MYO15B: variants seen among roughly 807,000 people sequenced by gnomAD.
MYO15B encodes the protein myosin XVB pseudogene.
MYO15B carries 207 observed loss-of-function variants against 119.3 expected under a neutral mutation model. That is an observed-to-expected ratio of 1.73 (90% confidence interval 1.55 to 1.95). The LOEUF (loss-of-function observed/expected upper bound fraction) is 1.95, where lower values mean the gene tolerates loss of function less well. Ranked by LOEUF, MYO15B falls within the 30% of genes most tolerant of loss-of-function variation. The probability of loss-of-function intolerance (pLI) is 0.00; values close to 1 mark genes in which losing one functional copy is unlikely to be tolerated. For missense variants in MYO15B, 2,264 were observed against 1,203.1 expected (o/e 1.88, Z -13.04); for synonymous variants, 966 against 498.9 (o/e 1.94, Z -12.48).
Position 75,619,106 on chromosome 17 carries a change from T to A in MYO15B, c.6988-37T>A, listed in dbSNP as rs1244056756. The A allele has an allele frequency of 1.7e-5, 12 of 702,582 alleles. No homozygotes were observed. The Admixed American group carries it at 2.4e-4, about 14-fold the overall frequency. The allele number at this position is 702,582 out of a possible 1,614,324, so 43.5% of individuals were successfully genotyped here. Reference sequence around the variant, plus strand: ...GGCTGCTCTGGGGGTGGGCTCTGTCTCAGGACCTGGTGGTGACCACCTCGC... The same window carrying A: ...GGCTGCTCTGGGGGTGGGCTCTGTCACAGGACCTGGTGGTGACCACCTCGC... On this transcript the variant is annotated intron_variant, in intron 43 of 63. Coordinates refer to ENST00000645453, the Ensembl canonical transcript of MYO15B.
At chr17:75,588,661 C>A (rs1249822964) in exon 1 of MYO15B, 1 of 400,724 alleles carries the variant, frequency 2.5e-6, no homozygotes, top group Non-Finnish European at 4.4e-6. Context: ...GGAGTCAGCG[C>A]TGGAGCCAAG....
chr17:75,620,956 G>A, intron 49 of MYO15B, 75 bp from the exon 50 acceptor site: 1 of 702,778 alleles, frequency 1.4e-6, no homozygotes, highest in Non-Finnish European at 2.6e-6. Flanking sequence ...TGGCTGGGGA[G>A]GGATGGGGCT....
At chr17:75,593,757 TA>T (rs1322173033) in intron 9 of MYO15B, among the ~76,000 whole-genome samples, 2 of 150,962 alleles carry the variant, frequency 1.3e-5, no homozygotes, top group Non-Finnish European at 2.9e-5. Flanking sequence ...CCGTCTCTAC[TA>T]AAAATACAAA....
chr17:75,624,095 G>A (rs2058871488), intron 55 of MYO15B, 31 bp downstream of exon 55: 1 of 702,908 alleles, frequency 1.4e-6, no homozygotes, highest in Non-Finnish European at 2.6e-6. Flanking sequence ...TGGAGGAGAG[G>A]CAGGGGTTTC....
chr17:75,619,271 T>A, intron 44 of MYO15B, 53 bp downstream of exon 44: 1 of 702,690 alleles, frequency 1.4e-6, no homozygotes, highest in Non-Finnish European at 2.6e-6. Context: ...GGGCCGCGCC[T>A]GCCCTGAAGG....
chr17:75,623,837 C>A (rs922693094), exon 54 of MYO15B: 2 of 698,208 alleles, frequency 2.9e-6, no homozygotes, highest in East Asian at 5.4e-5. Flanking sequence ...TCAAGCAGGT[C>A]ACGGGACACC....
At chr17:75,615,534 C>T (rs1455194435) in exon 35 of MYO15B, 1 of 700,718 alleles carries the variant, frequency 1.4e-6, no homozygotes, top group African/African-American at 1.7e-5. Flanking sequence ...CACCGCTTCC[C>T]AGCCTGGATG....
rs1390481704 is a variant in MYO15B, at chr17:75,625,620, G to A, written c.8898G>A (p.Leu2966=). 4.3e-6 allele frequency: 3 copies of A among 702,934 alleles called. No individual in the cohort carries two copies. In the East Asian group the frequency reaches 8.0e-5, roughly 19 times the overall value. The allele number at this position is 702,934 out of a possible 1,614,324, so 43.5% of individuals were successfully genotyped here. ...TGATGGGTCAGGAGCTGAGACGGCT[G>A]GAAGGACACAGCCCCCAGGAAGCAC... Residue 2966 remains leucine (L), a synonymous_variant, in exon 61 of 64, where the codon CTG becomes CTA. Transcript: ENST00000645453.
At chr17:75,614,440 TA>T in intron 30 of MYO15B, 80 bp downstream of exon 30, 3 of 675,826 alleles carry the variant, frequency 4.4e-6, no homozygotes, top group Admixed American at 2.0e-5. Flanking sequence ...CTCAGGGGTT[TA>T]TAGGAGCTGC....
intron 14 of MYO15B, among the ~76,000 whole-genome samples, chr17:75,597,846 G>A (rs1568132724): frequency 6.6e-6 from 1 of 152,274 alleles, no homozygotes; most frequent in African/African-American, 2.4e-5. Flanking sequence ...AGCCCAGGAC[G>A]TCAAGGATGC....
At chr17:75,623,591 C>T (rs1479368086) in intron 53 of MYO15B, among the ~76,000 whole-genome samples, 190 bp from the exon 54 acceptor site, 1 of 152,216 alleles carries the variant, frequency 6.6e-6, no homozygotes, top group Admixed American at 6.5e-5. Context: ...CATTGCATTC[C>T]AGCCTGTGTG....
chr17:75,597,408 C>T (rs755185126), intron 14 of MYO15B, among the ~76,000 whole-genome samples: 1 of 152,240 alleles, frequency 6.6e-6, no homozygotes, highest in Non-Finnish European at 1.5e-5. Context: ...GCAGTCACAG[C>T]GTCTATTCAT....
At chr17:75,598,016 G>C (rs1201578311) in intron 14 of MYO15B, among the ~76,000 whole-genome samples, 1 of 152,118 alleles carries the variant, frequency 6.6e-6, no homozygotes, top group Non-Finnish European at 1.5e-5. Flanking sequence ...GGGAGAGTTG[G>C]GGGGCGTCAT....
chr17:75,621,406 A>G, exon 51 of MYO15B: 1 of 700,310 alleles, frequency 1.4e-6, no homozygotes. Flanking sequence ...GCAGTACACC[A>G]AGGTGGGAGA....
Position 75,619,347 on chromosome 17 carries a change from C to T in MYO15B, c.7064-11C>T. ...TGAGCAGAGGGCAGCCTGGGTCCTT[C>T]CTGCCCACAGGAGGCTTGGAGGTGG... is the stretch of plus-strand genomic sequence containing the variant. On this transcript the variant is annotated splice_polypyrimidine_tract_variant and intron_variant, in intron 44 of 63. Transcript: ENST00000645453. The T allele has an allele frequency of 1.4e-6, 1 of 702,684 alleles. No individual in the cohort carries two copies. Among genetic ancestry groups the T allele is most frequent in the Non-Finnish European group, 2.6e-6 (1 of 384,934 alleles). 43.5% of individuals were successfully genotyped at this position (702,684 alleles called of 1,614,324 possible). A position where few individuals can be genotyped will look rare whatever the true frequency, so the allele number is the denominator to read the frequency against.
chr17:75,625,228 A>ACC lies in MYO15B; in HGVS notation c.8798_8799dup (p.Ser2934ProfsTer7). 1 of 700,748 alleles carries ACC rather than the reference A, an allele frequency of 1.4e-6. No homozygotes were observed. The highest frequency in any genetic ancestry group is 2.6e-6 in the Non-Finnish European group (1 of 383,698). The allele number at this position is 700,748 out of a possible 1,614,324, so 43.4% of individuals were successfully genotyped here. A position where few individuals can be genotyped will look rare whatever the true frequency, so the allele number is the denominator to read the frequency against. Reference sequence around the variant, plus strand: ...GCACCTCAGCAAGGCCAACAGGAATACCCCCTCAGGGTGAGTGGAGGCACC... The same window carrying ACC: ...GCACCTCAGCAAGGCCAACAGGAATACCCCCCCTCAGGGTGAGTGGAGGCACC... On this transcript the variant is annotated frameshift_variant, in exon 60 of 64. Transcript: ENST00000645453. LOFTEE classifies it high-confidence loss of function.
Position 75,592,548 on chromosome 17 carries a change from G to C in MYO15B, c.2829+7G>C, listed in dbSNP as rs951941758. 3.4e-5 allele frequency: 21 copies of C among 610,934 alleles called. No individual in the cohort carries two copies. Among genetic ancestry groups the C allele is most frequent in the Non-Finnish European group, 5.3e-5 (18 of 340,746 alleles). 37.8% of individuals were successfully genotyped at this position (610,934 alleles called of 1,614,324 possible). A position where few individuals can be genotyped will look rare whatever the true frequency, so the allele number is the denominator to read the frequency against. On this transcript the variant is annotated splice_region_variant and intron_variant, in intron 8 of 63. Coordinates refer to ENST00000645453, the Ensembl canonical transcript of MYO15B. Reference sequence around the variant, plus strand: ...TTACTACTACCTCAACCAGGTCGGGGGAGCCCTTGTGGTGCGGCGGGGAGG... The same window carrying C: ...TTACTACTACCTCAACCAGGTCGGGCGAGCCCTTGTGGTGCGGCGGGGAGG...
exon 31 of MYO15B, chr17:75,614,625 A>G (rs1439339036): frequency 2.9e-6 from 2 of 700,400 alleles, no homozygotes; most frequent in Non-Finnish European, 5.2e-6. Flanking sequence ...AGGCCCCCTC[A>G]CTGCCCCCAG....
At chr17:75,605,540 C>G in exon 20 of MYO15B, 1 of 702,908 alleles carries the variant, frequency 1.4e-6, no homozygotes, top group Non-Finnish European at 2.6e-6. Context: ...AGGAAGACCT[C>G]TCTGACCGGG....
Sources: allele counts gnomAD v4.1 joint callset (sites outside exome capture counted in the v4.1 genomes callset), GRCh38; gene constraint gnomAD v4.1.1; transcripts MANE v1.5; gene names NCBI Gene and HGNC (gene_info 2026-07-23, HGNC 2026-07-21).